Variants in MNAT1 observed in about 807,000 individuals in gnomAD.
MNAT1 encodes MNAT1 component of CDK activating kinase.
Under a neutral mutation model 42.0 loss-of-function variants are expected in MNAT1, and 43 were observed. That is an observed-to-expected ratio of 1.02 (90% CI 0.80 to 1.32). The LOEUF is 1.32. Among genes scored for constraint, MNAT1 ranks in the 40% most tolerant of loss-of-function variants. MNAT1 has a pLI of 0.00. For missense variants in MNAT1, 306 were observed against 350.4 expected (o/e 0.87, Z 1.01); for synonymous variants, 118 against 120.0 (o/e 0.98, Z 0.11).
chr14:60,872,672 ATT>A lies in MNAT1; in HGVS notation c.688-7033_688-7032del, dbSNP rs61300714. ...TTTTCTTTGCTGTAAATACATAGCCATTTTTTTTTTCAAAACTAACAAATATT... is the reference window on the plus strand; with the variant it reads ...TTTTCTTTGCTGTAAATACATAGCCATTTTTTTTCAAAACTAACAAATATT... On this transcript the variant is annotated intron_variant, in intron 6 of 7. Coordinates refer to ENST00000261245, the MANE Select transcript of MNAT1 (RefSeq NM_002431.4). Among the ~76,000 whole-genome samples, 18 of 150,146 alleles carry A rather than the reference ATT, an allele frequency of 1.2e-4. No individual in the cohort carries two copies. In the East Asian group the frequency reaches 2.0e-3, roughly 16 times the overall value.
chr14:60,840,767 G>T (rs933600721), intron 6 of MNAT1, among the ~76,000 whole-genome samples: 74 of 152,144 alleles, frequency 4.9e-4, no homozygotes, highest in African/African-American at 1.8e-3. Context: ...GGGTTCAAGC[G>T]ATTCTCCTGC....
At chr14:60,877,233 T>C (rs2034453856) in intron 6 of MNAT1, among the ~76,000 whole-genome samples, 1 of 152,092 alleles carries the variant, frequency 6.6e-6, no homozygotes, top group African/African-American at 2.4e-5. Flanking sequence ...ATTGGCAATA[T>C]GTATATCTTA....
At chr14:60,871,269 G>T (rs2034318276) in intron 6 of MNAT1, among the ~76,000 whole-genome samples, 1 of 152,090 alleles carries the variant, frequency 6.6e-6, no homozygotes, top group South Asian at 2.1e-4. Context: ...GTCTTTGTGT[G>T]GTCATATGTT....
At chr14:60,743,347 G>C (rs370335067) in intron 1 of MNAT1, among the ~76,000 whole-genome samples, 9 of 151,614 alleles carry the variant, frequency 5.9e-5, no homozygotes, top group African/African-American at 2.2e-4. Context: ...GGAGTACAAT[G>C]GCACAATCTC....
At chr14:60,809,056 A>G (rs1018398201) in intron 4 of MNAT1, 5 of 152,132 alleles carry the variant, frequency 3.3e-5, no homozygotes, top group Non-Finnish European at 7.4e-5. Context: ...TTATTATTAT[A>G]TGTATTAGAA....
intron 6 of MNAT1, among the ~76,000 whole-genome samples, chr14:60,842,201 A>C (rs2033570326): frequency 6.6e-6 from 1 of 152,226 alleles, no homozygotes. Context: ...TTGGATAGTT[A>C]TGATGCAGAT....
chr14:60,799,828 AG>A (rs1289096621), intron 3 of MNAT1, among the ~76,000 whole-genome samples: 1 of 152,144 alleles, frequency 6.6e-6, no homozygotes, highest in African/African-American at 2.4e-5. Flanking sequence ...GATAGGCAAG[AG>A]CAAGTCTGGA....
At chr14:60,901,567 T>C (rs2035072961) in intron 7 of MNAT1, among the ~76,000 whole-genome samples, 1 of 152,226 alleles carries the variant, frequency 6.6e-6, no homozygotes, top group Non-Finnish European at 1.5e-5. Context: ...TTCATTACTC[T>C]AGAAGCCATT....
At chr14:60,852,033 G>C (rs1184817418) in intron 6 of MNAT1, among the ~76,000 whole-genome samples, 4 of 152,054 alleles carry the variant, frequency 2.6e-5, no homozygotes. Flanking sequence ...TGTCTTTATA[G>C]TAGAAGGATT....
chr14:60,937,670 T>A (rs1296758137), intron 7 of MNAT1, among the ~76,000 whole-genome samples: 2 of 152,202 alleles, frequency 1.3e-5, no homozygotes, highest in Non-Finnish European at 1.5e-5. Context: ...GCATGATGCC[T>A]CCAGCTTTGT....
chr14:60,760,141 A>G (rs1046513224), intron 1 of MNAT1, among the ~76,000 whole-genome samples: 4 of 152,192 alleles, frequency 2.6e-5, no homozygotes, highest in Admixed American at 2.6e-4. Flanking sequence ...ATGAAATGAT[A>G]TGGTCATATT....
chr14:60,804,725 T>G (rs905964131), intron 3 of MNAT1, among the ~76,000 whole-genome samples: 1 of 152,144 alleles, frequency 6.6e-6, no homozygotes, highest in Non-Finnish European at 1.5e-5. Context: ...TTTATTTTTT[T>G]GGTAGAGATG....
intron 1 of MNAT1, among the ~76,000 whole-genome samples, chr14:60,752,459 A>G (rs2030136982): frequency 6.6e-6 from 1 of 152,208 alleles, no homozygotes; most frequent in African/African-American, 2.4e-5. Context: ...AAATGTTTTG[A>G]CAAAAGAAAA....
chr14:60,789,833 G>A (rs1212100980), intron 1 of MNAT1, among the ~76,000 whole-genome samples: 1 of 152,146 alleles, frequency 6.6e-6, no homozygotes, highest in African/African-American at 2.4e-5. Flanking sequence ...AATATGATGT[G>A]TTATTAACAC....
intron 6 of MNAT1, among the ~76,000 whole-genome samples, chr14:60,855,798 G>A (rs1487241968): frequency 1.3e-5 from 2 of 152,022 alleles, no homozygotes; most frequent in Non-Finnish European, 1.5e-5. Context: ...CATATCTGTT[G>A]TGCTGAAATA....
At chr14:60,818,687 T>C (rs1297979788) in intron 5 of MNAT1, 35 bp from the exon 6 acceptor site, 15 of 1,509,390 alleles carry the variant, frequency 9.9e-6, no homozygotes, top group African/African-American at 2.8e-5. Context: ...TTTTCCCTTT[T>C]TACATTTCTT....
chr14:60,754,408 C>A (rs927460059), intron 1 of MNAT1, among the ~76,000 whole-genome samples: 8 of 147,120 alleles, frequency 5.4e-5, no homozygotes, highest in African/African-American at 7.6e-5. Flanking sequence ...AGTGCAGTGG[C>A]ACGATCTTGG....
chr14:60,736,555 G>C (rs961256481), intron 1 of MNAT1, among the ~76,000 whole-genome samples: 1 of 152,104 alleles, frequency 6.6e-6, no homozygotes, highest in Non-Finnish European at 1.5e-5. Context: ...TGGTTAATTT[G>C]CTAACCTGTT....
chr14:60,948,551 T>C (rs1422493624), intron 7 of MNAT1, among the ~76,000 whole-genome samples: 8 of 152,214 alleles, frequency 5.3e-5, no homozygotes, highest in Non-Finnish European at 1.2e-4. Flanking sequence ...CTTTGCTTCT[T>C]TACCTACCTG....
Sources: gnomAD v4.1 joint callset for allele counts (sites outside exome capture counted in the v4.1 genomes callset) on GRCh38, gnomAD v4.1.1 for gene constraint, MANE v1.5 for transcripts, NCBI Gene and HGNC (gene_info 2026-07-23, HGNC 2026-07-21) for gene names.